The following PCDHGB3 variants were observed in gnomAD, a reference collection of about 807,000 sequenced individuals.
PCDHGB3 encodes the protein protocadherin gamma subfamily B, 3, also known as protocadherin gamma-B3.
Under a neutral mutation model 59.2 loss-of-function variants are expected in PCDHGB3, and 40 were observed. The observed-to-expected ratio is 0.68, with a 90% CI of 0.52 to 0.88. The LOEUF is 0.88. Ranked by LOEUF, PCDHGB3 falls within the 40% of genes least tolerant of loss-of-function variation. PCDHGB3 has a pLI of 0.00. For missense variants in PCDHGB3, 1,309 were observed against 1,187.9 expected (o/e 1.10, Z -1.50); for synonymous variants, 581 against 503.6 (o/e 1.15, Z -2.06).
intron 1 of PCDHGB3, among the ~76,000 whole-genome samples, chr5:141,433,948 T>C (rs1473404279): frequency 2.0e-5 from 3 of 152,234 alleles, no homozygotes; most frequent in Non-Finnish European, 4.4e-5. Context: ...CATTGTTTCT[T>C]CTACAGTTGT....
chr5:141,434,981 T>C (rs2097734526), intron 1 of PCDHGB3, among the ~76,000 whole-genome samples: 1 of 152,054 alleles, frequency 6.6e-6, no homozygotes. Flanking sequence ...GTTAATACTC[T>C]ATATCATTTT....
intron 2 of PCDHGB3, among the ~76,000 whole-genome samples, chr5:141,495,270 G>C (rs1428903664): frequency 1.3e-5 from 2 of 152,178 alleles, no homozygotes; most frequent in Non-Finnish European, 2.9e-5. Context: ...GCATTTGACC[G>C]GAGGAGGCGG....
rs753617533 is a variant in PCDHGB3, at chr5:141,370,406, C to T, written c.12C>T (p.Ser4=). Residue 4 remains serine, a synonymous_variant, in exon 1 of 4, where the codon AGC becomes AGT. Transcript: ENST00000576222. ...GCGCAGAGAGCGGGATGGGAAATAG[C>T]TCCGGATGGAGGGGCCCAGCAGGGC... MGN[S]SGWRGPAGQR... is the part of the protein sequence containing the mutation. 1.9e-6 allele frequency: 3 copies of T among 1,560,202 alleles called. No individual in the cohort carries two copies. The highest frequency in any genetic ancestry group is 2.7e-5 in the African/African-American group (2 of 72,944).
intron 1 of PCDHGB3, among the ~76,000 whole-genome samples, chr5:141,401,347 A>T (rs2094143126): frequency 6.6e-6 from 1 of 152,228 alleles, no homozygotes; most frequent in South Asian, 2.1e-4. Context: ...CATCTCAAAA[A>T]AAAGGAAGGA....
chr5:141,422,030 C>G, intron 1 of PCDHGB3: 1 of 1,609,592 alleles, frequency 6.2e-7, no homozygotes, highest in African/African-American at 1.3e-5. Flanking sequence ...GTTAATGCAA[C>G]GGATCCAGAC....
At chr5:141,414,633 A>C (rs1368963927) in intron 1 of PCDHGB3, 1 of 1,613,988 alleles carries the variant, frequency 6.2e-7, no homozygotes, top group South Asian at 1.1e-5. Context: ...CGGACAGCAA[A>C]GAGAATGCCC....
Position 141,372,653 on chromosome 5 carries a change from T to A in PCDHGB3, c.2259T>A (p.Asn753Lys). 6.2e-7 allele frequency: 1 copy of A among 1,614,032 alleles called. No homozygotes were observed. Residue 753 changes from asparagine to lysine, a missense_variant, in exon 1 of 4, where the codon AAT becomes AAA. By Grantham distance (94) the Asn-to-Lys change is moderately conservative. Transcript: ENST00000576222. ...AAAGGACTTTGCCTTATTCCTACAATCCGTGTGCTGCCTCACATTCCTCAA... is the reference window on the plus strand; with the variant it reads ...AAAGGACTTTGCCTTATTCCTACAAACCGTGTGCTGCCTCACATTCCTCAA... ...YSERTLPYSYNPCAASHSSNT... is the reference protein window; with the variant it reads ...YSERTLPYSYKPCAASHSSNT...
At chr5:141,423,341 TC>T (rs767448191) in intron 1 of PCDHGB3, 181 of 1,614,176 alleles carry the variant, frequency 1.1e-4, no homozygotes, top group Admixed American at 2.7e-4. Context: ...TCCTGCATCT[TC>T]CTGGTCTTTG....
Position 141,389,835 on chromosome 5 carries a change from C to T in PCDHGB3, c.2415+17026C>T, listed in dbSNP as rs1238547778. 4.3e-6 allele frequency: 7 copies of T among 1,614,002 alleles called. No homozygotes were observed. The South Asian group carries it at 7.7e-5, about 18-fold the overall frequency. On this transcript the variant is annotated intron_variant, in intron 1 of 3. Transcript: ENST00000576222. ...CGCCGTGCGTGACGGTGGACAGCCA[C>T]CACTCTCGGCCACTGCCACGTTGCA...
Position 141,485,920 on chromosome 5 carries a change from T to C in PCDHGB3, c.2416-8887T>C, listed in dbSNP as rs1374948804. ...CCTTCCAGCAATCCAGCTACAGGAT[T>C]AGTGTGTTGGAGAGCGCACCAGCGG... On this transcript the variant is annotated intron_variant, in intron 1 of 3. Transcript: ENST00000576222. This position sits in a 1 kb window ranked among gnomAD's most constrained non-coding sequence, Gnocchi z 5.7. 1.2e-6 allele frequency: 2 copies of C among 1,614,038 alleles called. No individual in the cohort carries two copies. Among genetic ancestry groups the C allele is most frequent in the Non-Finnish European group, 1.7e-6 (2 of 1,180,010 alleles).
intron 1 of PCDHGB3, chr5:141,404,976 T>G (rs373850794): frequency 4.3e-6 from 7 of 1,614,002 alleles, no homozygotes; most frequent in Non-Finnish European, 5.9e-6. Context: ...CTGGCTGACC[T>G]GGGCAGTCTT....
intron 1 of PCDHGB3, among the ~76,000 whole-genome samples, chr5:141,472,869 C>T (rs919331906): frequency 6.6e-6 from 1 of 151,388 alleles, no homozygotes; most frequent in Non-Finnish European, 1.5e-5. Context: ...GCCTGTATTC[C>T]CAGCTACTCG....
At chr5:141,399,621 C>G (rs757586675) in intron 1 of PCDHGB3, 1 of 1,613,948 alleles carries the variant, frequency 6.2e-7, no homozygotes. Context: ...TGGCACTGGC[C>G]TCTTACGTGT....
Position 141,491,874 on chromosome 5 carries a change from T to G in PCDHGB3, c.2416-2933T>G, listed in dbSNP as rs1160702024. On this transcript the variant is annotated intron_variant, in intron 1 of 3. Coordinates refer to ENST00000576222, the MANE Select transcript of PCDHGB3 (RefSeq NM_018924.5). The surrounding 1 kb of genome is among the most constrained non-coding windows in gnomAD (Gnocchi z 6.9). ...GTTTGCGCGAAACCAGAGTGGCCGA[T>G]TAAGGGATGGGGCTCCGAGCACCGG... 15 of 1,451,168 alleles carry G rather than the reference T, an allele frequency of 1.0e-5. No homozygotes were observed. The highest frequency in any genetic ancestry group is 1.4e-5 in the Non-Finnish European group (15 of 1,098,162). 89.9% of individuals were successfully genotyped at this position (1,451,168 alleles called of 1,614,324 possible). A position where few individuals can be genotyped will look rare whatever the true frequency, so the allele number is the denominator to read the frequency against.
rs1317760178 is a variant in PCDHGB3, at chr5:141,370,949, C to T, written c.555C>T (p.Asn185=). 2 of 1,613,980 alleles carry T rather than the reference C, an allele frequency of 1.2e-6. No homozygotes were observed. The highest frequency in any genetic ancestry group is 8.5e-7 in the Non-Finnish European group (1 of 1,179,866). The change falls in exon 1 of 4, where the codon AAC becomes AAT. Residue 185 remains asparagine, a synonymous_variant. Transcript: ENST00000576222. ...DPHFSLIQKE[N]LDGSRYPELV... ...ACTTCTCTTTGATTCAGAAGGAGAA[C>T]CTGGATGGCAGTAGGTACCCAGAGC...
At chr5:141,428,618 T>C (rs554092834) in intron 1 of PCDHGB3, 1 of 206,012 alleles carries the variant, frequency 4.9e-6, no homozygotes, top group African/African-American at 2.3e-5. Context: ...AATAACAAGA[T>C]AAGCTCTAAC....
intron 1 of PCDHGB3, chr5:141,430,664 C>G (rs2154553866): frequency 8.3e-7 from 1 of 1,209,890 alleles, no homozygotes; most frequent in East Asian, 2.6e-5. Context: ...CGGAGGAGCT[C>G]TGACTTCCCA....
Position 141,490,012 on chromosome 5 carries a change from G to A in PCDHGB3, c.2416-4795G>A. 1 of 1,614,232 alleles carries A rather than the reference G, an allele frequency of 6.2e-7. No homozygotes were observed. Among genetic ancestry groups the A allele is most frequent in the Non-Finnish European group, 8.5e-7 (1 of 1,180,044 alleles). ...GGGAATCCCAGAGAATGCACCCATT[G>A]GTACTCTGCTGCTCCGCCTCAATGC... is the stretch of plus-strand genomic sequence containing the variant. On this transcript the variant is annotated intron_variant, in intron 1 of 3. Transcript: ENST00000576222. This position sits in a 1 kb window ranked among gnomAD's most constrained non-coding sequence, Gnocchi z 5.4.
At chr5:141,479,930 T>C (rs1355410974) in intron 1 of PCDHGB3, among the ~76,000 whole-genome samples, 15 of 152,218 alleles carry the variant, frequency 9.9e-5, no homozygotes, top group Non-Finnish European at 1.9e-4. Context: ...CAGTGCATCA[T>C]TGCTATCAAC....
Sources: allele counts gnomAD v4.1 joint callset (sites outside exome capture counted in the v4.1 genomes callset), GRCh38; gene constraint gnomAD v4.1.1; non-coding constraint Gnocchi (gnomAD v3.1); transcripts MANE v1.5; gene names NCBI Gene and HGNC (gene_info 2026-07-23, HGNC 2026-07-21).